Variants in ITGB1BP1 observed in about 807,000 individuals in gnomAD.
ITGB1BP1 encodes the protein integrin subunit beta 1 binding protein 1.
In ITGB1BP1, 20 loss-of-function variants were observed where a neutral mutation model predicts 28.0. The ratio of observed to expected loss-of-function variants is 0.71; its 90% confidence interval spans 0.50 to 1.04. ITGB1BP1 has a LOEUF of 1.04. Among genes scored for constraint, ITGB1BP1 ranks in the 50% least tolerant of loss-of-function variants. The pLI is 0.00. For synonymous variants in ITGB1BP1, 103 were observed against 89.5 expected (o/e 1.15, Z -0.85); for missense variants, 228 against 242.5 (o/e 0.94, Z 0.40).
rs765475880 is a variant in ITGB1BP1 at position 9,418,656 on chromosome 2, G to T, written c.42C>A (p.Ser14=). The T allele has an allele frequency of 1.2e-6, 2 of 1,613,664 alleles. No homozygotes were observed. Among genetic ancestry groups the T allele is most frequent in the Non-Finnish European group, 1.7e-6 (2 of 1,179,650 alleles). ...TCTTAGTACTGATTTCGCTACTTTG[G>T]GAACTGCTACTACTGTGTCGTTTTT... is the stretch of plus-strand genomic sequence containing the variant. The part of the protein sequence containing the change: ...KGKKRHSSSS[S]QSSEISTKSK... The change falls in exon 2 of 7, where the codon TCC becomes TCA. Residue 14 remains serine, a synonymous_variant. Coordinates refer to ENST00000355346, the MANE Select transcript of ITGB1BP1 (RefSeq NM_004763.5).
Position 9,406,742 on chromosome 2 carries a change from G to A in ITGB1BP1, c.*92C>T, listed in dbSNP as rs1677438314. ...TTTTCTTCAGAAAATCTAGAGCAAG[G>A]GATAACTTCATTATTTGCATAACAT... On this transcript the variant is annotated 3_prime_UTR_variant, in exon 7 of 7. Coordinates refer to ENST00000355346, the MANE Select transcript of ITGB1BP1 (RefSeq NM_004763.5). 5 of 874,984 alleles carry A rather than the reference G, an allele frequency of 5.7e-6. No individual in the cohort carries two copies. Among genetic ancestry groups the A allele is most frequent in the Admixed American group, 1.7e-5 (1 of 57,410 alleles). The allele number at this position is 874,984 out of a possible 1,614,324, so 54.2% of individuals were successfully genotyped here.
rs1261016559 is a variant in ITGB1BP1, at chr2:9,405,252, CTTAGT to C, written c.*1577_*1581del. The C allele has an allele frequency of 2.6e-5, 4 of 152,296 alleles. No homozygotes were observed. Among genetic ancestry groups the C allele is most frequent in the South Asian group, 2.1e-4 (1 of 4,832 alleles). 9.4% of individuals were successfully genotyped at this position (152,296 alleles called of 1,614,324 possible). On this transcript the variant is annotated 3_prime_UTR_variant, in exon 7 of 7. Transcript: ENST00000355346. ...ATTAACGACCCTGCTAATATCCTTT[CTTAGT>C]TATTTGCTCCTTGCAAATTAAAAAA...
intron 4 of ITGB1BP1, chr2:9,408,429 C>T: frequency 6.4e-6 from 3 of 470,556 alleles, no homozygotes; most frequent in East Asian, 3.9e-5. Context: ...ACTCTGTCGC[C>T]CAGGCTATAG....
At chr2:9,414,976 G>A (rs960170066) in intron 2 of ITGB1BP1, among the ~76,000 whole-genome samples, 5 of 152,232 alleles carry the variant, frequency 3.3e-5, no homozygotes, top group African/African-American at 9.6e-5. Flanking sequence ...GGGCACAGTG[G>A]CTGACACCTG....
At chr2:9,414,934 C>T (rs894515700) in intron 2 of ITGB1BP1, among the ~76,000 whole-genome samples, 7 of 152,224 alleles carry the variant, frequency 4.6e-5, no homozygotes, top group Non-Finnish European at 7.3e-5. Flanking sequence ...GAGCTACACT[C>T]CCAATTTCTT....
At chr2:9,423,245 G>A (rs1680126345) in intron 1 of ITGB1BP1, 128 bp downstream of exon 1, 2 of 1,143,598 alleles carry the variant, frequency 1.7e-6, no homozygotes, top group South Asian at 1.7e-5. Flanking sequence ...CCCGAGCCCA[G>A]GCATCCCTCC....
chr2:9,407,019 A>G lies in ITGB1BP1; in HGVS notation c.532-114T>C, dbSNP rs941427296. ...CTTAAGACCTCTCCTAAGCAAGCCG[A>G]CCACACATGCCTGCCTGGGTCAGTG... On this transcript the variant is annotated intron_variant, in intron 6 of 6. Coordinates refer to ENST00000355346, the MANE Select transcript of ITGB1BP1 (RefSeq NM_004763.5). 1.2e-5 allele frequency: 9 copies of G among 774,728 alleles called. No individual in the cohort carries two copies. The Admixed American group carries it at 1.4e-4, about 12-fold the overall frequency. 48.0% of individuals were successfully genotyped at this position (774,728 alleles called of 1,614,324 possible).
chr2:9,411,457 C>A (rs1021290376), intron 4 of ITGB1BP1, among the ~76,000 whole-genome samples: 2 of 152,206 alleles, frequency 1.3e-5, no homozygotes, highest in Non-Finnish European at 1.5e-5. Context: ...CACAAGGGCT[C>A]AGGCCTGTAA....
chr2:9,417,521 C>G (rs1679295998), intron 2 of ITGB1BP1, among the ~76,000 whole-genome samples: 1 of 152,048 alleles, frequency 6.6e-6, no homozygotes, highest in African/African-American at 2.4e-5. Context: ...CTGGTTCAAG[C>G]AACTCTCCTG....
chr2:9,414,463 C>A (rs1198517283), intron 2 of ITGB1BP1, among the ~76,000 whole-genome samples: 8 of 152,200 alleles, frequency 5.3e-5, no homozygotes, highest in Non-Finnish European at 2.9e-5. Flanking sequence ...CCCAACTGTT[C>A]GTTCGTCCCA....
intron 1 of ITGB1BP1, 123 bp downstream of exon 1, chr2:9,423,250 C>A: frequency 8.7e-7 from 1 of 1,152,138 alleles, no homozygotes; most frequent in South Asian, 1.6e-5. Context: ...GCCCAGGCAT[C>A]CCTCCTCCGC....
Position 9,422,690 on chromosome 2 carries a change from G to C in ITGB1BP1, c.-36+683C>G, listed in dbSNP as rs144946538. 2.8e-5 allele frequency: 28 copies of C among 985,606 alleles called. No homozygotes were observed. In the African/African-American group the frequency reaches 4.5e-4, roughly 16 times the overall value. The allele number at this position is 985,606 out of a possible 1,614,324, so 61.1% of individuals were successfully genotyped here. Reference sequence around the variant, plus strand: ...CAGGGGACGCGCTTACTGAAGCCGAGAACTTTCTGGGGAGGTGACACCCCA... The same window carrying C: ...CAGGGGACGCGCTTACTGAAGCCGACAACTTTCTGGGGAGGTGACACCCCA... On this transcript the variant is annotated intron_variant, in intron 1 of 6. Coordinates refer to ENST00000355346, the MANE Select transcript of ITGB1BP1 (RefSeq NM_004763.5).
rs1353870136 is a variant in ITGB1BP1, at chr2:9,415,129, A to G, written c.73-873T>C. ...TGTGGTGGCTCACGCCTGTAATCCC[A>G]GCACTTTGGGAGGCTGACGTGGGTG... is the stretch of plus-strand genomic sequence containing the variant. On this transcript the variant is annotated intron_variant, in intron 2 of 6. Transcript: ENST00000355346. The surrounding 1 kb of genome is among the most constrained non-coding windows in gnomAD (Gnocchi z 4.1). Among the ~76,000 whole-genome samples the G allele has an allele frequency of 2.0e-5, 3 of 152,176 alleles. No homozygotes were observed. Among genetic ancestry groups the G allele is most frequent in the Non-Finnish European group, 4.4e-5 (3 of 68,028 alleles).
chr2:9,418,394 G>A (rs1679401744), intron 2 of ITGB1BP1, among the ~76,000 whole-genome samples: 1 of 152,144 alleles, frequency 6.6e-6, no homozygotes, highest in Non-Finnish European at 1.5e-5. Flanking sequence ...ACCATTCATA[G>A]GTCATGTCCC....
chr2:9,408,441 G>A lies in ITGB1BP1; in HGVS notation c.289-236C>T, dbSNP rs1572685258. ...CTCACTCTGTCGCCCAGGCTATAGT[G>A]CAGTGGCATGATCTCAGCTCGTTGC... On this transcript the variant is annotated intron_variant, in intron 4 of 6. Transcript: ENST00000355346. The A allele has an allele frequency of 7.1e-6, 3 of 420,630 alleles. No individual in the cohort carries two copies. In the East Asian group the frequency reaches 1.3e-4, roughly 19 times the overall value. 26.1% of individuals were successfully genotyped at this position (420,630 alleles called of 1,614,324 possible).
chr2:9,404,614 AAAAGT>A lies in ITGB1BP1; in HGVS notation c.*2215_*2219del, dbSNP rs1313547007. On this transcript the variant is annotated 3_prime_UTR_variant, in exon 7 of 7. Coordinates refer to ENST00000355346, the MANE Select transcript of ITGB1BP1 (RefSeq NM_004763.5). ...TATGATACCCACTTGGACTTTTAAC[AAAAGT>A]AAAGGAATAAATTTGCATATAGGCT... 3 of 152,636 alleles carry A rather than the reference AAAAGT, an allele frequency of 2.0e-5. No homozygotes were observed. Among genetic ancestry groups the A allele is most frequent in the Non-Finnish European group, 4.4e-5 (3 of 68,046 alleles). The allele number at this position is 152,636 out of a possible 1,614,324, so 9.5% of individuals were successfully genotyped here.
intron 1 of ITGB1BP1, among the ~76,000 whole-genome samples, chr2:9,419,049 C>T (rs906549834): frequency 6.6e-6 from 1 of 152,180 alleles, no homozygotes; most frequent in Non-Finnish European, 1.5e-5. Flanking sequence ...CCACCATGCC[C>T]AGCCAGGAAA....
rs35943541 is a variant in ITGB1BP1 at position 9,409,676 on chromosome 2, C to CA, written c.289-1472dup. On this transcript the variant is annotated intron_variant, in intron 4 of 6. Transcript: ENST00000355346. ...TCATCAACATCATAAAACATTATAA[C>CA]AAAATGACCTTGAAAAACGAGTTAC... Among the ~76,000 whole-genome samples the CA allele has an allele frequency of 6.4e-3, 971 of 151,726 alleles. 9 individuals are homozygous for CA. Among genetic ancestry groups the CA allele is most frequent in the African/African-American group, 0.023 (938 of 41,352 alleles).
At chr2:9,420,042 T>C (rs1679608809) in intron 1 of ITGB1BP1, 11 of 984,282 alleles carry the variant, frequency 1.1e-5, no homozygotes, top group Non-Finnish European at 1.3e-5. Context: ...TACAGCGGTC[T>C]GCACAGAGAG....
Sources: allele counts gnomAD v4.1 joint callset (sites outside exome capture counted in the v4.1 genomes callset), GRCh38; gene constraint gnomAD v4.1.1; non-coding constraint Gnocchi (gnomAD v3.1); transcripts MANE v1.5; gene names NCBI Gene and HGNC (gene_info 2026-07-23, HGNC 2026-07-21).